CYP2C19: variants seen among roughly 807,000 people sequenced by gnomAD.
CYP2C19 encodes cytochrome P450 family 2 subfamily C member 19.
In CYP2C19, 59 loss-of-function variants were observed where a neutral mutation model predicts 40.9. The observed-to-expected ratio is 1.44, with a 90% CI of 1.17 to 1.79. The LOEUF is 1.79. CYP2C19 is among the 40% of genes most tolerant of loss of function. The pLI, the probability that CYP2C19 is intolerant of heterozygous loss-of-function variation, is 0.00. For missense variants in CYP2C19, 754 were observed against 596.9 expected, an observed-to-expected ratio of 1.26 and a Z score of -2.74; for synonymous variants, 253 against 208.7, an observed-to-expected ratio of 1.21 and a Z score of -1.83.
At chr10:94,795,416 G>T (rs1313880421) in intron 5 of CYP2C19, among the ~76,000 whole-genome samples, 1 of 151,930 alleles carries the variant, frequency 6.6e-6, no homozygotes, top group African/African-American at 2.4e-5. Flanking sequence ...ATGGACATTT[G>T]GGTTGGTTCC....
intron 7 of CYP2C19, among the ~76,000 whole-genome samples, chr10:94,849,486 T>G (rs1849620040): frequency 6.6e-6 from 1 of 152,038 alleles, no homozygotes; most frequent in African/African-American, 2.4e-5. Flanking sequence ...TTTTTAAATT[T>G]TATTATCATT....
At position 94,804,002 on chromosome 10, in the gene CYP2C19, T is replaced by C. The variant is rs115203108; in HGVS notation, c.820-16494T>C. 7.8e-3 allele frequency among the ~76,000 whole-genome samples: 1,183 copies of C among 152,052 alleles called. 10 individuals are homozygous for C. Among genetic ancestry groups the C allele is most frequent in the African/African-American group, 0.027 (1,137 of 41,462 alleles). Reference sequence around the variant, plus strand: ...TCCAGGTGAGAAATGCTCTAAATGCTTAGCAGTCTGCCTGGGTGTGGAGCA... The same window carrying C: ...TCCAGGTGAGAAATGCTCTAAATGCCTAGCAGTCTGCCTGGGTGTGGAGCA... On this transcript the variant is annotated intron_variant, in intron 5 of 8. Transcript: ENST00000371321.
chr10:94,781,217 A>G (rs1345620815), intron 4 of CYP2C19, among the ~76,000 whole-genome samples: 1 of 152,126 alleles, frequency 6.6e-6, no homozygotes, highest in East Asian at 1.9e-4. Context: ...TTTTTGGTGT[A>G]TGAACCATAA....
At chr10:94,811,341 G>A (rs1431290041) in intron 5 of CYP2C19, among the ~76,000 whole-genome samples, 2 of 151,168 alleles carry the variant, frequency 1.3e-5, no homozygotes, top group African/African-American at 2.5e-5. Flanking sequence ...GTGGTGCTGA[G>A]AAGAATGTAT....
At chr10:94,816,744 T>A (rs2134264477) in intron 5 of CYP2C19, among the ~76,000 whole-genome samples, 1 of 123,040 alleles carries the variant, frequency 8.1e-6, no homozygotes, top group East Asian at 2.7e-4. Flanking sequence ...CCACCCCACA[T>A]CAGTCCCCAG....
intron 5 of CYP2C19, among the ~76,000 whole-genome samples, chr10:94,785,561 A>G (rs1184038487): frequency 6.6e-6 from 1 of 152,140 alleles, no homozygotes; most frequent in Admixed American, 6.6e-5. Context: ...TGATTATTAT[A>G]CTTTGTAGTA....
intron 6 of CYP2C19, among the ~76,000 whole-genome samples, chr10:94,835,966 G>T (rs754397230): frequency 6.6e-6 from 1 of 152,136 alleles, no homozygotes; most frequent in Non-Finnish European, 1.5e-5. Flanking sequence ...GTTGAAGTCA[G>T]GATCAGTCAA....
chr10:94,851,199 G>T (rs1283661170), intron 8 of CYP2C19, among the ~76,000 whole-genome samples: 1 of 152,208 alleles, frequency 6.6e-6, no homozygotes, highest in East Asian at 1.9e-4. Context: ...AGTCATGGTA[G>T]AAGGCAAAGA....
chr10:94,817,888 C>A (rs1285076436), intron 5 of CYP2C19, among the ~76,000 whole-genome samples: 2 of 151,306 alleles, frequency 1.3e-5, no homozygotes, highest in African/African-American at 4.9e-5. Flanking sequence ...TGGCGGGCAC[C>A]TGTAGTCCCA....
At chr10:94,787,218 G>A (rs1236371901) in intron 5 of CYP2C19, among the ~76,000 whole-genome samples, 1 of 152,004 alleles carries the variant, frequency 6.6e-6, no homozygotes, top group Non-Finnish European at 1.5e-5. Flanking sequence ...ATATCTCATT[G>A]TGGTTTTGAT....
intron 5 of CYP2C19, among the ~76,000 whole-genome samples, chr10:94,794,804 C>T (rs1036200373): frequency 6.6e-6 from 1 of 152,006 alleles, no homozygotes; most frequent in Non-Finnish European, 1.5e-5. Context: ...AGATTTTGGG[C>T]TGAGACGATG....
chr10:94,784,836 C>G (rs1848520907), intron 5 of CYP2C19, among the ~76,000 whole-genome samples: 1 of 151,970 alleles, frequency 6.6e-6, no homozygotes, highest in Admixed American at 6.6e-5. Flanking sequence ...GTGATCTGCC[C>G]ACCTTGGCAT....
chr10:94,797,416 G>T (rs1007142728), intron 5 of CYP2C19, among the ~76,000 whole-genome samples: 2 of 151,930 alleles, frequency 1.3e-5, no homozygotes, highest in Non-Finnish European at 2.9e-5. Flanking sequence ...GAAGATTTTT[G>T]CATCGATGTT....
At chr10:94,804,585 A>G (rs1222416357) in intron 5 of CYP2C19, among the ~76,000 whole-genome samples, 1 of 152,222 alleles carries the variant, frequency 6.6e-6, no homozygotes, top group Non-Finnish European at 1.5e-5. Context: ...AGGGCTTAGA[A>G]TAAACAAAGT....
rs1849528443 is a variant in CYP2C19 at position 94,843,680 on chromosome 10, T to C, written c.1149+656T>C. ...TTATCTCTAGATTCATTGGAATTTC[T>C]GTGAACAGTACACTGTATCTGTGTT... On this transcript the variant is annotated intron_variant, in intron 7 of 8. Coordinates refer to ENST00000371321, the MANE Select transcript of CYP2C19 (RefSeq NM_000769.4). Among the ~76,000 whole-genome samples, 4 of 152,244 alleles carry C rather than the reference T, an allele frequency of 2.6e-5. 1 individual carries two copies. The highest frequency in any genetic ancestry group is 7.2e-5 in the African/African-American group (3 of 41,472).
intron 7 of CYP2C19, among the ~76,000 whole-genome samples, chr10:94,847,299 T>G (rs960008051): frequency 5.9e-5 from 9 of 152,128 alleles, no homozygotes; most frequent in Non-Finnish European, 1.3e-4. Flanking sequence ...CATTGTTCAA[T>G]TCCCACCTAT....
intron 5 of CYP2C19, among the ~76,000 whole-genome samples, chr10:94,810,519 C>CTT (rs59589203): frequency 0.048 from 7,211 of 151,654 alleles, 224 homozygotes; most frequent in South Asian, 0.11. Context: ...AGGTCCTGGG[C>CTT]TTTTTTTTGC....
chr10:94,815,938 T>C (rs763778290), intron 5 of CYP2C19, among the ~76,000 whole-genome samples: 7 of 152,338 alleles, frequency 4.6e-5, no homozygotes, highest in Non-Finnish European at 7.3e-5. Context: ...TATCTAATGA[T>C]ATGGCCCTAA....
intron 1 of CYP2C19, among the ~76,000 whole-genome samples, chr10:94,768,506 T>G (rs1343990368): frequency 1.3e-5 from 2 of 152,170 alleles, no homozygotes; most frequent in Non-Finnish European, 2.9e-5. Context: ...CTGTATGTAT[T>G]TGAAGCACCA....
Sources: allele counts gnomAD v4.1 joint callset (sites outside exome capture counted in the v4.1 genomes callset), GRCh38; gene constraint gnomAD v4.1.1; transcripts MANE v1.5; gene names NCBI Gene and HGNC (gene_info 2026-07-23, HGNC 2026-07-21).